USP25: variants seen among roughly 807,000 people sequenced by gnomAD.
USP25 encodes ubiquitin specific peptidase 25, also known as ubiquitin carboxyl-terminal hydrolase 25.
Under a neutral mutation model 158.5 loss-of-function variants are expected in USP25, and 85 were observed. That is an observed-to-expected ratio of 0.54 (90% CI 0.45 to 0.64). The LOEUF (loss-of-function observed/expected upper bound fraction) is 0.64, where lower values mean the gene tolerates loss of function less well. Among genes scored for constraint, USP25 ranks in the 30% least tolerant of loss-of-function variants. USP25 has a pLI of 0.00. For synonymous variants in USP25, 464 were observed against 460.4 expected, an observed-to-expected ratio of 1.01 and a Z score of -0.10; for missense variants, 1,242 against 1,327.3, an observed-to-expected ratio of 0.94 and a Z score of 1.00.
At chr21:15,804,633 G>A (rs2036288792) in intron 6 of USP25, among the ~76,000 whole-genome samples, 1 of 152,014 alleles carries the variant, frequency 6.6e-6, no homozygotes, top group African/African-American at 2.4e-5. Flanking sequence ...GAATTTGAAG[G>A]TATCGTTGAC....
chr21:15,861,463 AGC>A (rs2039423997), intron 20 of USP25, among the ~76,000 whole-genome samples: 1 of 152,218 alleles, frequency 6.6e-6, no homozygotes, highest in African/African-American at 2.4e-5. Context: ...TAAAATAATT[AGC>A]ATAGACCGCC....
chr21:15,791,069 AG>A (rs1375990150), intron 4 of USP25, among the ~76,000 whole-genome samples: 1 of 151,872 alleles, frequency 6.6e-6, no homozygotes, highest in Non-Finnish European at 1.5e-5. Flanking sequence ...AGAAGAACTA[AG>A]TGGTCGGTGA....
At chr21:15,733,471 G>A (rs1303121129) in intron 1 of USP25, among the ~76,000 whole-genome samples, 1 of 152,028 alleles carries the variant, frequency 6.6e-6, no homozygotes, top group African/African-American at 2.4e-5. Context: ...GGTGGCTCAT[G>A]CTTTAATCCC....
chr21:15,784,544 C>G (rs989199756), intron 4 of USP25, among the ~76,000 whole-genome samples: 1 of 151,724 alleles, frequency 6.6e-6, no homozygotes, highest in Non-Finnish European at 1.5e-5. Context: ...TGGACTCCAG[C>G]TTGGGCAACA....
Position 15,874,481 on chromosome 21 carries a change from A to G in USP25, c.2964A>G (p.Gly988=), listed in dbSNP as rs766681353. ...KELLSKGLYR[G]HDEELISHYR... is the part of the protein sequence containing the mutation. The stretch of plus-strand genomic sequence containing the variant: ...TCTTGTCTAAAGGCTTATACAGAGG[A>G]CATGATGAAGAATTGATATCACATT... The change falls in exon 24 of 26, where the codon GGA becomes GGG. Residue 988 remains glycine (G), a synonymous_variant. Coordinates refer to ENST00000400183, the MANE Select transcript of USP25 (RefSeq NM_001283041.3). 2 of 1,611,322 alleles carry G rather than the reference A, an allele frequency of 1.2e-6. No individual in the cohort carries two copies. The highest frequency in any genetic ancestry group is 8.5e-7 in the Non-Finnish European group (1 of 1,178,846).
chr21:15,796,459 T>C (rs1371930346), intron 5 of USP25, among the ~76,000 whole-genome samples: 2 of 151,436 alleles, frequency 1.3e-5, no homozygotes, highest in African/African-American at 4.8e-5. Flanking sequence ...TTATTTTTGA[T>C]GGATTTTGTC....
chr21:15,775,592 A>G lies in USP25; in HGVS notation c.269-2312A>G, dbSNP rs2034593309. ...TACTGCCTCTGAGCTATGCCTGGAA[A>G]TTGGAATGCAAAGTCTAGTTGCCGC... On this transcript the variant is annotated intron_variant, in intron 3 of 25. Transcript: ENST00000400183. Among the ~76,000 whole-genome samples, 8 of 152,308 alleles carry G rather than the reference A, an allele frequency of 5.3e-5. 1 individual carries two copies. In the South Asian group the frequency reaches 1.7e-3, roughly 32 times the overall value.
At chr21:15,775,956 A>G (rs570945974) in intron 3 of USP25, among the ~76,000 whole-genome samples, 1 of 151,858 alleles carries the variant, frequency 6.6e-6, no homozygotes, top group Admixed American at 6.6e-5. Flanking sequence ...CACACACCTA[A>G]ACCCTGTTTT....
At chr21:15,866,202 A>AAT (rs147076784) in intron 21 of USP25, 64 bp from the exon 22 acceptor site, 38,946 of 864,740 alleles carry the variant, frequency 0.045, 196 homozygotes, top group African/African-American at 0.069. Flanking sequence ...TTGATTTACA[A>AAT]ATATATATAT....
chr21:15,826,964 T>C lies in USP25; in HGVS notation c.1467-13T>C, dbSNP rs2037537302. ...TGAAAGGTTAATAAGAAATACTCTA[T>C]GCTTTGATACAGCACAACAGAACAA... On this transcript the variant is annotated splice_polypyrimidine_tract_variant and intron_variant, in intron 13 of 25. Transcript: ENST00000400183. The surrounding 1 kb of genome is among the most constrained non-coding windows in gnomAD (Gnocchi z 4.8). 1.2e-6 allele frequency: 2 copies of C among 1,611,806 alleles called. No homozygotes were observed. Among genetic ancestry groups the C allele is most frequent in the African/African-American group, 1.3e-5 (1 of 74,918 alleles).
At chr21:15,799,720 T>A (rs1219010051) in intron 5 of USP25, 37 bp from the exon 6 acceptor site, 1 of 1,417,280 alleles carries the variant, frequency 7.1e-7, no homozygotes, top group Non-Finnish European at 9.7e-7. Context: ...TAATGGAATT[T>A]TCCCTCAGGT....
In USP25 at chr21:15,766,930, C is replaced by T. The variant is rs536386006; in HGVS notation, c.268+789C>T. Among the ~76,000 whole-genome samples the T allele has an allele frequency of 7.2e-4, 109 of 151,956 alleles. No homozygotes were observed. Among genetic ancestry groups the T allele is most frequent in the African/African-American group, 2.5e-3 (105 of 41,480 alleles). On this transcript the variant is annotated intron_variant, in intron 3 of 25. Transcript: ENST00000400183. The surrounding 1 kb of genome is among the most constrained non-coding windows in gnomAD (Gnocchi z 4.0). ...GTTAGGAAGCAACCAGAAAAGAGTT[C>T]GTTTACATAGATGTTTATTAATGTT...
chr21:15,864,030 TC>T (rs1333036960), intron 20 of USP25, among the ~76,000 whole-genome samples: 14 of 140,804 alleles, frequency 9.9e-5, no homozygotes, highest in African/African-American at 3.2e-4. Flanking sequence ...GTGGGAGACT[TC>T]TTTTTTTTTT....
rs929749533 is a variant in USP25 at position 15,791,622 on chromosome 21, A to G, written c.513A>G (p.Leu171=). The G allele has an allele frequency of 9.9e-6, 16 of 1,611,314 alleles. No homozygotes were observed. Among genetic ancestry groups the G allele is most frequent in the Non-Finnish European group, 1.4e-5 (16 of 1,178,230 alleles). Residue 171 remains leucine, a synonymous_variant, in exon 5 of 26, where the codon CTA becomes CTG. Transcript: ENST00000400183. Reference sequence around the variant, plus strand: ...GACAGGACAAAGCTCCCGTTGGGCTAAAGAATGTTGGCAATACTTGTTGGT... The same window carrying G: ...GACAGGACAAAGCTCCCGTTGGGCTGAAGAATGTTGGCAATACTTGTTGGT... The part of the protein sequence containing the change: ...RKRQDKAPVG[L]KNVGNTCWFS...
At chr21:15,855,635 A>G (rs2039096796) in intron 20 of USP25, among the ~76,000 whole-genome samples, 1 of 152,194 alleles carries the variant, frequency 6.6e-6, no homozygotes, top group Non-Finnish European at 1.5e-5. Flanking sequence ...GGTTGTGTAC[A>G]TTTGTAGCCT....
intron 3 of USP25, among the ~76,000 whole-genome samples, chr21:15,770,627 C>T (rs1178624898): frequency 6.6e-6 from 1 of 152,140 alleles, no homozygotes; most frequent in Non-Finnish European, 1.5e-5. Context: ...AGAACTAGAC[C>T]ATTTAAAGCT....
intron 20 of USP25, among the ~76,000 whole-genome samples, chr21:15,855,678 A>AGG (rs1463672078): frequency 6.6e-6 from 1 of 152,182 alleles, no homozygotes; most frequent in African/African-American, 2.4e-5. Context: ...CAAGTCAGTT[A>AGG]CACATCCTGC....
intron 3 of USP25, among the ~76,000 whole-genome samples, chr21:15,767,781 CTT>C (rs1417871881): frequency 1.2e-4 from 18 of 151,962 alleles, no homozygotes; most frequent in Admixed American, 2.0e-4. Context: ...GTTGTGAACT[CTT>C]AATATAGATG....
chr21:15,754,574 A>G (rs969475973), intron 1 of USP25, among the ~76,000 whole-genome samples: 43 of 152,330 alleles, frequency 2.8e-4, no homozygotes, highest in African/African-American at 9.6e-4. Flanking sequence ...GAAGGCACCT[A>G]CATGTGCAGA....
Sources: gnomAD v4.1 joint callset for allele counts (sites outside exome capture counted in the v4.1 genomes callset) on GRCh38, gnomAD v4.1.1 for gene constraint, Gnocchi (gnomAD v3.1) non-coding constraint, MANE v1.5 for transcripts, NCBI Gene and HGNC (gene_info 2026-07-23, HGNC 2026-07-21) for gene names.